The following CEP85L variants were observed in gnomAD, a reference collection of about 807,000 sequenced individuals.
CEP85L encodes the protein centrosomal protein of 85 kDa-like.
In CEP85L, 60 loss-of-function variants were observed where a neutral mutation model predicts 100.3. The observed-to-expected ratio is 0.60, with a 90% CI of 0.49 to 0.74. The LOEUF (loss-of-function observed/expected upper bound fraction) is 0.74, where lower values mean the gene tolerates loss of function less well. CEP85L is among the 30% of genes least tolerant of loss of function. The probability of loss-of-function intolerance (pLI) is 0.00; values close to 1 mark genes in which losing one functional copy is unlikely to be tolerated. For missense variants in CEP85L, 973 were observed against 936.2 expected (o/e 1.04, Z -0.51); for synonymous variants, 319 against 322.7 (o/e 0.99, Z 0.12).
chr6:118,528,586 T>C (rs1471681839), intron 3 of CEP85L, among the ~76,000 whole-genome samples: 1 of 152,162 alleles, frequency 6.6e-6, no homozygotes, highest in East Asian at 1.9e-4. Context: ...CTTACTAAAC[T>C]TAAACCCTGA....
At chr6:118,627,958 A>G (rs1773911588) in intron 2 of CEP85L, among the ~76,000 whole-genome samples, 1 of 152,106 alleles carries the variant, frequency 6.6e-6, no homozygotes, top group South Asian at 2.1e-4. Flanking sequence ...GTCCCACTCA[A>G]GTTAGTAAAA....
intron 5 of CEP85L, among the ~76,000 whole-genome samples, chr6:118,492,171 G>A (rs999117807): frequency 3.9e-5 from 6 of 152,050 alleles, no homozygotes; most frequent in Non-Finnish European, 7.4e-5. Flanking sequence ...ATGAAAGACA[G>A]CTATTATTTG....
At chr6:118,672,245 C>A (rs561666380) in intron 1 of CEP85L, among the ~76,000 whole-genome samples, 1 of 152,232 alleles carries the variant, frequency 6.6e-6, no homozygotes, top group South Asian at 2.1e-4. Context: ...GCCACGTTGG[C>A]CAGGCAAGTC....
chr6:118,628,942 A>T (rs374159678), intron 2 of CEP85L, among the ~76,000 whole-genome samples: 18 of 152,338 alleles, frequency 1.2e-4, no homozygotes, highest in African/African-American at 4.1e-4. Context: ...CAAGAGAATA[A>T]GACAAGCCAC....
Position 118,481,043 on chromosome 6 carries a change from G to A in CEP85L, c.1746-530C>T, listed in dbSNP as rs551778161. Among the ~76,000 whole-genome samples the A allele has an allele frequency of 9.3e-5, 14 of 150,852 alleles. No homozygotes were observed. The South Asian group carries it at 1.3e-3, about 14-fold the overall frequency. ...TTTTATTTTAGGTTTGGGGGTACAC[G>A]TACTTACAACTGTATTAATTGAGAC... On this transcript the variant is annotated intron_variant, in intron 8 of 12. Transcript: ENST00000368491.
chr6:118,571,880 C>T (rs1383612531), intron 2 of CEP85L, among the ~76,000 whole-genome samples: 2 of 152,002 alleles, frequency 1.3e-5, no homozygotes, highest in African/African-American at 4.8e-5. Context: ...TTCTTGGAGA[C>T]AGTTTTGCTC....
At chr6:118,672,008 A>C (rs1776320451) in intron 1 of CEP85L, among the ~76,000 whole-genome samples, 1 of 152,154 alleles carries the variant, frequency 6.6e-6, no homozygotes, top group Admixed American at 6.5e-5. Flanking sequence ...GTTTTTCTTT[A>C]CAAATAATTT....
At chr6:118,549,405 C>T (rs1346755262) in intron 3 of CEP85L, among the ~76,000 whole-genome samples, 1 of 151,670 alleles carries the variant, frequency 6.6e-6, no homozygotes, top group East Asian at 1.9e-4. Context: ...GAAACGTTTC[C>T]TCATTCTTAG....
intron 1 of CEP85L, among the ~76,000 whole-genome samples, chr6:118,676,623 T>A (rs1007297011): frequency 6.6e-5 from 10 of 152,244 alleles, no homozygotes; most frequent in Admixed American, 1.3e-4. Flanking sequence ...ATCTTTACTA[T>A]TGTGAATAGT....
At chr6:118,498,538 T>C (rs1373857426) in intron 5 of CEP85L, among the ~76,000 whole-genome samples, 1 of 146,928 alleles carries the variant, frequency 6.8e-6, no homozygotes, top group East Asian at 2.0e-4. Flanking sequence ...GGCAGGTGGA[T>C]GGCTTGAGCC....
At chr6:118,699,604 T>C (rs768792169) in intron 1 of CEP85L, among the ~76,000 whole-genome samples, 1 of 152,222 alleles carries the variant, frequency 6.6e-6, no homozygotes, top group East Asian at 1.9e-4. Context: ...AACTCCATTA[T>C]ATGTAAAAGA....
chr6:118,693,818 G>A (rs939037528), intron 1 of CEP85L, among the ~76,000 whole-genome samples: 2 of 152,192 alleles, frequency 1.3e-5, no homozygotes, highest in African/African-American at 2.4e-5. Context: ...ACTAGACATT[G>A]CTGCTACAGT....
chr6:118,644,105 T>G (rs1393395539), intron 1 of CEP85L, among the ~76,000 whole-genome samples: 1 of 152,224 alleles, frequency 6.6e-6, no homozygotes, highest in African/African-American at 2.4e-5. Context: ...ATCTCTAATT[T>G]CTGCTAGGTT....
chr6:118,651,802 T>C (rs1775589989), upstream of CEP85L: 3 of 923,054 alleles, frequency 3.3e-6, no homozygotes, highest in Non-Finnish European at 3.9e-6. Context: ...TCTGTCTCCA[T>C]CCTCCCGCCC....
chr6:118,563,504 T>A (rs1045439492), intron 3 of CEP85L, among the ~76,000 whole-genome samples: 6 of 152,180 alleles, frequency 3.9e-5, no homozygotes, highest in Admixed American at 6.5e-5. Flanking sequence ...TCATGGTGAG[T>A]GTTTAGGAGT....
At chr6:118,535,876 GATTTA>G (rs1450370411) in intron 3 of CEP85L, among the ~76,000 whole-genome samples, 1 of 151,910 alleles carries the variant, frequency 6.6e-6, no homozygotes, top group East Asian at 1.9e-4. Context: ...AAATCTTATA[GATTTA>G]ATTTATTAAA....
intron 10 of CEP85L, among the ~76,000 whole-genome samples, chr6:118,471,706 T>A (rs563649178): frequency 2.6e-5 from 4 of 151,586 alleles, no homozygotes; most frequent in Non-Finnish European, 5.9e-5. Flanking sequence ...CAGAAATGAA[T>A]CAAACTCTAT....
intron 4 of CEP85L, among the ~76,000 whole-genome samples, chr6:118,522,892 G>T (rs972605613): frequency 4.0e-5 from 6 of 151,740 alleles, no homozygotes; most frequent in Non-Finnish European, 7.4e-5. Flanking sequence ...AAAAAAAATT[G>T]GGGGAATATA....
At chr6:118,650,113 A>C (rs1775447312) in intron 1 of CEP85L, among the ~76,000 whole-genome samples, 1 of 152,174 alleles carries the variant, frequency 6.6e-6, no homozygotes, top group African/African-American at 2.4e-5. Flanking sequence ...GTATGCAAAA[A>C]TATCTCTAAG....
Sources: gnomAD v4.1 joint callset for allele counts (sites outside exome capture counted in the v4.1 genomes callset) on GRCh38, gnomAD v4.1.1 for gene constraint, MANE v1.5 for transcripts, NCBI Gene and HGNC (gene_info 2026-07-23, HGNC 2026-07-21) for gene names.